The following DCDC2C variants were observed in gnomAD, a reference collection of about 807,000 sequenced individuals.
DCDC2C encodes the protein doublecortin domain containing 2C, also known as doublecortin domain-containing protein 2C.
In DCDC2C, 44 loss-of-function variants were observed where a neutral mutation model predicts 45.0. That is an observed-to-expected ratio of 0.98 (90% CI 0.77 to 1.26). DCDC2C has a LOEUF of 1.26. DCDC2C is among the 50% of genes most tolerant of loss of function. The pLI, the probability that DCDC2C is intolerant of heterozygous loss-of-function variation, is 0.00. For missense variants in DCDC2C, 447 were observed against 468.9 expected (o/e 0.95, Z 0.43); for synonymous variants, 187 against 178.8 (o/e 1.05, Z -0.37).
intron 10 of DCDC2C, among the ~76,000 whole-genome samples, chr2:3,837,865 A>T (rs185933610): frequency 2.8e-4 from 43 of 152,240 alleles, no homozygotes; most frequent in African/African-American, 1.0e-3. Flanking sequence ...AGAGTAGCAC[A>T]GGAGAGGGCA....
chr2:3,778,610 A>G (rs1302146492), intron 8 of DCDC2C, among the ~76,000 whole-genome samples: 4 of 152,098 alleles, frequency 2.6e-5, no homozygotes, highest in African/African-American at 9.7e-5. Context: ...TTCTCCAGCA[A>G]TTTTACCAAG....
chr2:3,769,475 C>G (rs1670106523), intron 8 of DCDC2C, 64 bp downstream of exon 8: 1 of 1,408,726 alleles, frequency 7.1e-7, no homozygotes, highest in Non-Finnish European at 9.8e-7. Context: ...CTGCCCGCCT[C>G]AGCGTCATCC....
intron 2 of DCDC2C, among the ~76,000 whole-genome samples, chr2:3,709,609 A>T (rs1218528329): frequency 1.3e-5 from 2 of 152,230 alleles, no homozygotes; most frequent in Admixed American, 6.5e-5. Context: ...ACTAGAAAGC[A>T]ATTCTGGCAG....
At chr2:3,833,118 A>G (rs62107612) in intron 10 of DCDC2C, among the ~76,000 whole-genome samples, 13,602 of 152,240 alleles carry the variant, frequency 0.089, 804 homozygotes, top group Admixed American at 0.14. Flanking sequence ...GTAACCCTGC[A>G]TCCCTCTGAG....
chr2:3,743,586 A>C lies in DCDC2C; in HGVS notation c.545+1538A>C, dbSNP rs560231111. 2.6e-5 allele frequency among the ~76,000 whole-genome samples: 4 copies of C among 152,340 alleles called. No homozygotes were observed. In the South Asian group the frequency reaches 6.2e-4, roughly 24 times the overall value. ...AATGATACAAAGCTAGAAATCAGTAATAGGAGGAAAATTGGAAAATTCACA... is the reference window on the plus strand; with the variant it reads ...AATGATACAAAGCTAGAAATCAGTACTAGGAGGAAAATTGGAAAATTCACA... On this transcript the variant is annotated intron_variant, in intron 4 of 10. Coordinates refer to ENST00000399143, the MANE Select transcript of DCDC2C (RefSeq NM_001287444.2).
At chr2:3,843,491 C>A (rs974589422) in intron 10 of DCDC2C, among the ~76,000 whole-genome samples, 1 of 152,180 alleles carries the variant, frequency 6.6e-6, no homozygotes, top group Non-Finnish European at 1.5e-5. Flanking sequence ...GTTTTGTTTT[C>A]AGTTTTCAGG....
chr2:3,832,108 C>T (rs549626772), intron 10 of DCDC2C, among the ~76,000 whole-genome samples: 12 of 152,274 alleles, frequency 7.9e-5, no homozygotes, highest in Middle Eastern at 3.4e-3. Context: ...ATCTCTTTGA[C>T]GTTGGATGGT....
At position 3,726,997 on chromosome 2, in the gene DCDC2C, T is replaced by C. The variant is rs754652554; in HGVS notation, c.340-6T>C. The stretch of plus-strand genomic sequence containing the variant: ...GAATTCCCAGGTGTGTTTTTTCCTT[T>C]TTCAGATCAAACCAGTGGTGCATTG... On this transcript the variant is annotated splice_polypyrimidine_tract_variant and splice_region_variant and intron_variant, in intron 2 of 10. Coordinates refer to ENST00000399143, the MANE Select transcript of DCDC2C (RefSeq NM_001287444.2). The C allele has an allele frequency of 6.4e-7, 1 of 1,550,436 alleles. No individual in the cohort carries two copies. Among genetic ancestry groups the C allele is most frequent in the Non-Finnish European group, 8.7e-7 (1 of 1,146,888 alleles).
chr2:3,735,859 T>C (rs916626571), intron 3 of DCDC2C, among the ~76,000 whole-genome samples: 2 of 152,054 alleles, frequency 1.3e-5, no homozygotes, highest in African/African-American at 4.8e-5. Context: ...AGCTGATATA[T>C]GTTTTTTCCA....
intron 10 of DCDC2C, among the ~76,000 whole-genome samples, chr2:3,843,251 A>C (rs1672256725): frequency 6.6e-6 from 1 of 152,178 alleles, no homozygotes; most frequent in African/African-American, 2.4e-5. Context: ...GGAGTGGACA[A>C]AATGGACCGC....
rs540897778 is a variant in DCDC2C, at chr2:3,785,242, A to G, written c.1065+142A>G. 7.1e-6 allele frequency: 4 copies of G among 565,010 alleles called. No individual in the cohort carries two copies. The African/African-American group carries it at 7.7e-5, about 11-fold the overall frequency. The allele number at this position is 565,010 out of a possible 1,614,324, so 35.0% of individuals were successfully genotyped here. A position where few individuals can be genotyped will look rare whatever the true frequency, so the allele number is the denominator to read the frequency against. On this transcript the variant is annotated intron_variant, in intron 10 of 10. Coordinates refer to ENST00000399143, the MANE Select transcript of DCDC2C (RefSeq NM_001287444.2). ...TGCCTCTGTCATACACCCTAGCTCTATTTTCCAGAGTTAGAAAACAAACTT... is the reference window on the plus strand; with the variant it reads ...TGCCTCTGTCATACACCCTAGCTCTGTTTTCCAGAGTTAGAAAACAAACTT...
At chr2:3,706,377 G>C (rs1044159419) in intron 1 of DCDC2C, among the ~76,000 whole-genome samples, 6 of 152,040 alleles carry the variant, frequency 3.9e-5, no homozygotes, top group African/African-American at 9.7e-5. Context: ...AATAATTTGA[G>C]ACCCAAAGGA....
At chr2:3,736,994 T>C (rs1315508905) in intron 3 of DCDC2C, among the ~76,000 whole-genome samples, 2 of 152,196 alleles carry the variant, frequency 1.3e-5, no homozygotes, top group African/African-American at 4.8e-5. Context: ...TATTCCACTT[T>C]TGGAAATGGA....
intron 6 of DCDC2C, among the ~76,000 whole-genome samples, chr2:3,767,217 T>C (rs1322402587): frequency 6.6e-6 from 1 of 152,274 alleles, no homozygotes; most frequent in East Asian, 1.9e-4. Context: ...CTTTGTGTTC[T>C]AGTTGTGCTT....
chr2:3,846,843 G>A (rs1672345069), intron 10 of DCDC2C, among the ~76,000 whole-genome samples: 1 of 152,168 alleles, frequency 6.6e-6, no homozygotes, highest in Non-Finnish European at 1.5e-5. Context: ...TGAAGGAAGG[G>A]GCAGAGGAAT....
intron 4 of DCDC2C, among the ~76,000 whole-genome samples, chr2:3,747,748 T>C (rs1669416147): frequency 6.6e-6 from 1 of 152,214 alleles, no homozygotes; most frequent in East Asian, 1.9e-4. Context: ...CTTGAGGGGT[T>C]TCCATCTAAG....
chr2:3,759,171 A>G (rs551438121), intron 6 of DCDC2C, among the ~76,000 whole-genome samples: 1 of 152,200 alleles, frequency 6.6e-6, no homozygotes, highest in Admixed American at 6.5e-5. Flanking sequence ...TGCATGCAGA[A>G]GCACTGATGC....
intron 10 of DCDC2C, among the ~76,000 whole-genome samples, chr2:3,819,625 A>C (rs909811735): frequency 7.2e-5 from 11 of 152,234 alleles, no homozygotes; most frequent in African/African-American, 2.7e-4. Flanking sequence ...AGAATAAGAC[A>C]GCCTTCTCAC....
chr2:3,791,026 C>T lies in DCDC2C; in HGVS notation c.1065+5926C>T, dbSNP rs184891731. Among the ~76,000 whole-genome samples, 1,048 of 152,102 alleles carry T rather than the reference C, an allele frequency of 6.9e-3. 12 individuals are homozygous for T. The highest frequency in any genetic ancestry group is 0.022 in the African/African-American group (902 of 41,484). On this transcript the variant is annotated intron_variant, in intron 10 of 10. Coordinates refer to ENST00000399143, the MANE Select transcript of DCDC2C (RefSeq NM_001287444.2). ...TCGGGAGGCTGAGGCAGGAGAATGG[C>T]GTGAACCCGCGAGGCAGAGCTTGCA...
Sources: gnomAD v4.1 joint callset for allele counts (sites outside exome capture counted in the v4.1 genomes callset) on GRCh38, gnomAD v4.1.1 for gene constraint, MANE v1.5 for transcripts, NCBI Gene and HGNC (gene_info 2026-07-23, HGNC 2026-07-21) for gene names.